The following ATP2B1 variants were observed in gnomAD, a reference collection of about 807,000 sequenced individuals.
The protein encoded by ATP2B1 is ATPase plasma membrane Ca2+ transporting 1.
In ATP2B1, 14 loss-of-function variants were observed where a neutral mutation model predicts 124.2. The observed-to-expected ratio is 0.11, with a 90% CI of 0.07 to 0.18. ATP2B1 has a LOEUF of 0.18. Ranked by LOEUF, ATP2B1 falls within the 10% of genes least tolerant of loss-of-function variation. ATP2B1 has a pLI of 1.00. For synonymous variants in ATP2B1, 449 were observed against 492.4 expected, an observed-to-expected ratio of 0.91 and a Z score of 1.17; for missense variants, 763 against 1,466.1, an observed-to-expected ratio of 0.52 and a Z score of 7.83.
chr12:89,644,962 T>C (rs1380401960), intron 2 of ATP2B1, among the ~76,000 whole-genome samples: 2 of 152,240 alleles, frequency 1.3e-5, no homozygotes, highest in Non-Finnish European at 2.9e-5. Flanking sequence ...TAAATGCTAT[T>C]ATAATTCCTC....
At chr12:89,622,344 A>G (rs1880134589) in intron 9 of ATP2B1, among the ~76,000 whole-genome samples, 1 of 152,026 alleles carries the variant, frequency 6.6e-6, no homozygotes, top group Non-Finnish European at 1.5e-5. Flanking sequence ...TATCAAAACT[A>G]GAATGAGTCA....
intron 9 of ATP2B1, among the ~76,000 whole-genome samples, chr12:89,623,445 G>A (rs955749623): frequency 1.3e-5 from 2 of 151,726 alleles, no homozygotes; most frequent in African/African-American, 2.4e-5. Flanking sequence ...ATTACTTTAA[G>A]GTAAACAGCA....
At chr12:89,604,387 G>A (rs1876434383) in intron 15 of ATP2B1, 41 bp from the exon 16 acceptor site, 2 of 1,489,544 alleles carry the variant, frequency 1.3e-6, no homozygotes, top group African/African-American at 2.8e-5. Flanking sequence ...AATGTTTTAA[G>A]TATAACTTTC....
At position 89,590,763 on chromosome 12, in the gene ATP2B1, T is replaced by TA. The variant is rs1207672508; in HGVS notation, c.*220dup. 2 of 494,668 alleles carry TA rather than the reference T, an allele frequency of 4.0e-6. No homozygotes were observed. Among genetic ancestry groups the TA allele is most frequent in the African/African-American group, 3.9e-5 (2 of 51,580 alleles). The allele number at this position is 494,668 out of a possible 1,614,324, so 30.6% of individuals were successfully genotyped here. A position where few individuals can be genotyped will look rare whatever the true frequency, so the allele number is the denominator to read the frequency against. On this transcript the variant is annotated 3_prime_UTR_variant, in exon 21 of 21. Transcript: ENST00000428670. ...AGGTCACTTACGCTGAGTTACTGTT[T>TA]ATCTGTCAGTTCATTTCTCCCACCC... is the stretch of plus-strand genomic sequence containing the variant.
chr12:89,639,207 T>C (rs1301675359), intron 3 of ATP2B1, among the ~76,000 whole-genome samples: 1 of 152,122 alleles, frequency 6.6e-6, no homozygotes, highest in African/African-American at 2.4e-5. Context: ...CTAATAATGA[T>C]TTTAAAAAAT....
chr12:89,666,497 C>T lies in ATP2B1; in HGVS notation c.-221-10390G>A, dbSNP rs147945691. Reference sequence around the variant, plus strand: ...ACTGAGTCTTGTGTAAACATTCTGACCTTCAAGTTCAAAGGTAGTCAAGAT... The same window carrying T: ...ACTGAGTCTTGTGTAAACATTCTGATCTTCAAGTTCAAAGGTAGTCAAGAT... On this transcript the variant is annotated intron_variant, in intron 1 of 20. Transcript: ENST00000428670. Among the ~76,000 whole-genome samples, 330 of 152,300 alleles carry T rather than the reference C, an allele frequency of 2.2e-3. 1 individual carries two copies. The highest frequency in any genetic ancestry group is 7.7e-3 in the African/African-American group (319 of 41,562).
intron 18 of ATP2B1, among the ~76,000 whole-genome samples, chr12:89,602,734 A>G (rs1191942951): frequency 6.6e-6 from 1 of 152,210 alleles, no homozygotes; most frequent in Admixed American, 6.5e-5. Flanking sequence ...TGGGATGTAA[A>G]AAGAATACTA....
At chr12:89,685,768 A>G (rs369343112) in intron 1 of ATP2B1, among the ~76,000 whole-genome samples, 2 of 152,072 alleles carry the variant, frequency 1.3e-5, no homozygotes, top group Non-Finnish European at 2.9e-5. Flanking sequence ...ATGTGACCAT[A>G]TTTGGCAATA....
intron 1 of ATP2B1, among the ~76,000 whole-genome samples, chr12:89,660,778 T>A (rs1886608875): frequency 6.6e-6 from 1 of 152,190 alleles, no homozygotes; most frequent in African/African-American, 2.4e-5. Context: ...TATTTGCAGA[T>A]CCATTCTGCA....
intron 2 of ATP2B1, among the ~76,000 whole-genome samples, chr12:89,645,006 G>C (rs918808189): frequency 6.6e-6 from 1 of 152,148 alleles, no homozygotes; most frequent in Admixed American, 6.6e-5. Flanking sequence ...CACACACCTA[G>C]GACACTATAC....
At chr12:89,642,121 A>G in intron 3 of ATP2B1, 37 bp downstream of exon 3, 1 of 1,552,802 alleles carries the variant, frequency 6.4e-7, no homozygotes, top group Non-Finnish European at 8.8e-7. Flanking sequence ...TAGCTGAACT[A>G]GCATCAGACA....
chr12:89,677,183 G>A (rs1243508988), intron 1 of ATP2B1, among the ~76,000 whole-genome samples: 1 of 152,128 alleles, frequency 6.6e-6, no homozygotes, highest in African/African-American at 2.4e-5. Flanking sequence ...AAATGATACT[G>A]AATACAGACC....
At chr12:89,669,637 T>C (rs2136503035) in intron 1 of ATP2B1, among the ~76,000 whole-genome samples, 1 of 152,322 alleles carries the variant, frequency 6.6e-6, no homozygotes, top group Non-Finnish European at 1.5e-5. Context: ...TCCCAATGTC[T>C]TAGAGCTAGG....
At chr12:89,630,718 AGTAATATT>A (rs1031994858) in intron 5 of ATP2B1, 73 bp from the exon 6 acceptor site, 3 of 1,148,886 alleles carry the variant, frequency 2.6e-6, no homozygotes, top group Admixed American at 3.0e-5. Context: ...TTCAAACTTC[AGTAATATT>A]GTTTTTAACA....
At chr12:89,692,605 T>C (rs1050515509) in intron 1 of ATP2B1, among the ~76,000 whole-genome samples, 1 of 152,202 alleles carries the variant, frequency 6.6e-6, no homozygotes, top group African/African-American at 2.4e-5. Flanking sequence ...AAATGCTCTA[T>C]AAGAAATGAT....
intron 15 of ATP2B1, 78 bp from the exon 16 acceptor site, chr12:89,604,424 A>G: frequency 8.7e-7 from 1 of 1,153,344 alleles, no homozygotes; most frequent in South Asian, 1.6e-5. Flanking sequence ...CACACTTAAT[A>G]AACAAAAAGT....
At chr12:89,626,423 A>G in intron 8 of ATP2B1, 31 bp downstream of exon 8, 1 of 1,553,662 alleles carries the variant, frequency 6.4e-7, no homozygotes, top group Non-Finnish European at 8.7e-7. Context: ...ACTTAAAAAT[A>G]AAACACTTTA....
intron 1 of ATP2B1, among the ~76,000 whole-genome samples, chr12:89,691,805 T>G (rs1025168109): frequency 6.6e-6 from 1 of 152,084 alleles, no homozygotes; most frequent in African/African-American, 2.4e-5. Flanking sequence ...CCATGTTGAG[T>G]CTATGGGAAT....
chr12:89,709,203 G>C (rs1413991354), upstream of ATP2B1: 2 of 151,330 alleles, frequency 1.3e-5, no homozygotes, highest in African/African-American at 4.8e-5. Context: ...GTAGGCAGGG[G>C]GAGGAGAACG....
Sources: allele counts gnomAD v4.1 joint callset (sites outside exome capture counted in the v4.1 genomes callset), GRCh38; gene constraint gnomAD v4.1.1; transcripts MANE v1.5; gene names NCBI Gene and HGNC (gene_info 2026-07-23, HGNC 2026-07-21).